The following NRK variants were observed in gnomAD, a reference collection of about 807,000 sequenced individuals.
NRK encodes the protein Nik related kinase.
NRK carries 67 observed loss-of-function variants against 125.2 expected under a neutral mutation model. The observed-to-expected ratio is 0.54, with a 90% CI of 0.44 to 0.66. NRK has a LOEUF of 0.66. Among genes scored for constraint, NRK ranks in the 30% least tolerant of loss-of-function variants. The pLI is 0.00. For missense variants in NRK, 1,224 were observed against 1,192.9 expected (o/e 1.03, Z -0.38); for synonymous variants, 458 against 429.0 (o/e 1.07, Z -0.84).
intron 24 of NRK, 101 bp downstream of exon 24, chrX:105,944,142 A>G (rs1474644552): frequency 6.7e-6 from 3 of 444,814 alleles, no homozygotes; most frequent in Non-Finnish European, 1.1e-5. Context: ...AGTATATACC[A>G]TTCTTCTATA....
chrX:105,923,083 A>T, intron 17 of NRK, 35 bp from the exon 18 acceptor site: 1 of 1,138,077 alleles, frequency 8.8e-7, no homozygotes, highest in East Asian at 3.0e-5. Flanking sequence ...AATGAAAGCT[A>T]CTAGAGGCTA....
chrX:105,947,442 C>CAAAAA (rs753072138), intron 26 of NRK, among the ~76,000 whole-genome samples: 9 of 17,647 alleles, frequency 5.1e-4, no homozygotes, highest in Non-Finnish European at 5.3e-4. Context: ...GACTCCGTCT[C>CAAAAA]AAAAAAAAAA....
intron 4 of NRK, among the ~76,000 whole-genome samples, chrX:105,883,151 T>C (rs1034875913): frequency 2.7e-5 from 3 of 112,350 alleles, no homozygotes; most frequent in Admixed American, 1.9e-4. Flanking sequence ...CTGATGGATA[T>C]AATGTACTTA....
chrX:105,858,132 C>T (rs1182969835), intron 2 of NRK, among the ~76,000 whole-genome samples: 2 of 111,507 alleles, frequency 1.8e-5, no homozygotes, highest in African/African-American at 6.5e-5. Flanking sequence ...TTAAGTTAAA[C>T]CTTTAGTCAA....
intron 19 of NRK, among the ~76,000 whole-genome samples, chrX:105,929,239 C>T (rs1055234706): frequency 7.2e-5 from 8 of 110,579 alleles, no homozygotes; most frequent in African/African-American, 2.6e-4. Flanking sequence ...ATATAATGTC[C>T]GTGTTTTTCT....
At chrX:105,851,967 G>C (rs917334926) in intron 2 of NRK, among the ~76,000 whole-genome samples, 2 of 111,736 alleles carry the variant, frequency 1.8e-5, no homozygotes, top group Non-Finnish European at 3.8e-5. Context: ...TTAAACAGCT[G>C]ATTGATTTGG....
At chrX:105,911,766 G>T (rs1299570782) in intron 13 of NRK, among the ~76,000 whole-genome samples, 1 of 111,597 alleles carries the variant, frequency 9.0e-6, no homozygotes, top group Non-Finnish European at 1.9e-5. Flanking sequence ...TAATCAATTA[G>T]ATCTAATGGG....
chrX:105,823,098 A>G (rs972811615), intron 1 of NRK, among the ~76,000 whole-genome samples, 196 bp downstream of exon 1: 1 of 113,025 alleles, frequency 8.8e-6, no homozygotes, highest in African/African-American at 3.2e-5. Flanking sequence ...AACTCCAACG[A>G]AAGGCAAAGG....
chrX:105,886,525 C>T (rs1039850844), intron 4 of NRK, among the ~76,000 whole-genome samples: 1 of 98,648 alleles, frequency 1.0e-5, no homozygotes, highest in Non-Finnish European at 2.0e-5. Context: ...TATATATATA[C>T]GTGTGTGTGT....
chrX:105,913,289 T>A (rs878912122), intron 14 of NRK, among the ~76,000 whole-genome samples: 2 of 112,123 alleles, frequency 1.8e-5, no homozygotes, highest in Admixed American at 1.9e-4. Flanking sequence ...TAAAACCATA[T>A]CAATGAAATG....
intron 4 of NRK, among the ~76,000 whole-genome samples, chrX:105,884,182 C>T (rs1191719266): frequency 8.9e-6 from 1 of 111,792 alleles, no homozygotes; most frequent in African/African-American, 3.2e-5. Flanking sequence ...TTCAACTGCA[C>T]ATATCAGGAC....
chrX:105,878,928 C>T (rs932943722), intron 2 of NRK, among the ~76,000 whole-genome samples: 2 of 111,186 alleles, frequency 1.8e-5, no homozygotes, highest in South Asian at 3.8e-4. Flanking sequence ...AATGTATTCC[C>T]TCACAATTTT....
chrX:105,875,166 A>G (rs1602629710), intron 2 of NRK, among the ~76,000 whole-genome samples: 1 of 111,703 alleles, frequency 9.0e-6, no homozygotes, highest in East Asian at 2.8e-4. Context: ...TGGTGTATAC[A>G]TCTTACAAAC....
At chrX:105,886,677 C>A (rs2039951117) in intron 4 of NRK, among the ~76,000 whole-genome samples, 1 of 105,862 alleles carries the variant, frequency 9.4e-6, no homozygotes, top group Non-Finnish European at 1.9e-5. Context: ...TGAGAGTAGA[C>A]CCCTTACATA....
chrX:105,937,470 T>A lies in NRK; in HGVS notation c.3687T>A (p.Asn1229Lys). ...GVNLLLGTRS[N>K]LYLMDRSGKA... is the part of the protein sequence containing the mutation. The stretch of plus-strand genomic sequence containing the variant: ...ATTTGCTGTTGGGAACCCGATCTAA[T>A]CTATATCTGATGGACAGAAGTGGAA... Residue 1229 changes from asparagine (N) to lysine (K), a missense_variant, in exon 22 of 29, where the codon AAT (asparagine) becomes AAA (lysine). By Grantham distance (94) the Asn-to-Lys change is moderately conservative. Transcript: ENST00000243300. 8.4e-7 allele frequency: 1 copy of A among 1,193,701 alleles called. No individual in the cohort carries two copies. The highest frequency in any genetic ancestry group is 2.3e-4 in the Middle Eastern group (1 of 4,288).
intron 19 of NRK, among the ~76,000 whole-genome samples, chrX:105,932,811 G>T (rs2040611485): frequency 9.0e-6 from 1 of 111,241 alleles, no homozygotes; most frequent in African/African-American, 3.3e-5. Context: ...GCCAAATTAA[G>T]TATCAACTTT....
At chrX:105,940,127 A>G (rs1366946003) in intron 23 of NRK, 95 bp downstream of exon 23, 1 of 665,072 alleles carries the variant, frequency 1.5e-6, no homozygotes, top group African/African-American at 2.3e-5. Context: ...AGAGAAAGGA[A>G]ACAATTTGCA....
chrX:105,823,049 A>C (rs1404639032), intron 1 of NRK, 147 bp downstream of exon 1: 1 of 572,027 alleles, frequency 1.7e-6, no homozygotes, highest in Non-Finnish European at 2.7e-6. Context: ...GGGAGCCGGC[A>C]TGCGGAAAAG....
At chrX:105,866,151 T>C (rs892175584) in intron 2 of NRK, among the ~76,000 whole-genome samples, 1 of 111,660 alleles carries the variant, frequency 9.0e-6, no homozygotes, top group African/African-American at 3.3e-5. Flanking sequence ...ATTTCATAAA[T>C]GAAATTAAAA....
Sources: allele counts gnomAD v4.1 joint callset (sites outside exome capture counted in the v4.1 genomes callset), GRCh38; gene constraint gnomAD v4.1.1; transcripts MANE v1.5; gene names NCBI Gene and HGNC (gene_info 2026-07-23, HGNC 2026-07-21).